Variants in ARFGEF1 observed in about 807,000 individuals in gnomAD.
ARFGEF1 encodes the protein ARF guanine nucleotide exchange factor 1.
In ARFGEF1, 42 loss-of-function variants were observed where a neutral mutation model predicts 231.0. That is an observed-to-expected ratio of 0.18 (90% CI 0.14 to 0.24). The LOEUF (loss-of-function observed/expected upper bound fraction) is 0.24. Among genes scored for constraint, ARFGEF1 ranks in the 10% least tolerant of loss-of-function variants. The pLI is 1.00. For synonymous variants in ARFGEF1, 710 were observed against 732.3 expected (o/e 0.97, Z 0.49); for missense variants, 1,345 against 2,192.0 (o/e 0.61, Z 7.72).
intron 1 of ARFGEF1, among the ~76,000 whole-genome samples, chr8:67,302,906 TAAAAAAAAA>T (rs139020447): frequency 1.4e-4 from 14 of 102,024 alleles, no homozygotes; most frequent in Non-Finnish European, 1.9e-4. Flanking sequence ...CCCCATCTCT[TAAAAAAAAA>T]AAAAAAAAAA....
At chr8:67,320,374 G>A (rs1265860082) in intron 1 of ARFGEF1, among the ~76,000 whole-genome samples, 1 of 152,006 alleles carries the variant, frequency 6.6e-6, no homozygotes, top group Non-Finnish European at 1.5e-5. Flanking sequence ...GTAAGGATAT[G>A]GAGCAACAAG....
chr8:67,335,718 G>A (rs963988049), intron 1 of ARFGEF1, among the ~76,000 whole-genome samples: 1 of 151,920 alleles, frequency 6.6e-6, no homozygotes, highest in Non-Finnish European at 1.5e-5. Flanking sequence ...CTAAAGACAC[G>A]CCAGTGGTAA....
chr8:67,205,199 G>A (rs984846309), intron 34 of ARFGEF1, among the ~76,000 whole-genome samples: 4 of 151,946 alleles, frequency 2.6e-5, no homozygotes, highest in African/African-American at 7.3e-5. Context: ...ATTGTAAGTC[G>A]CCCAGCATTG....
At chr8:67,265,003 T>C (rs1295914320) in intron 14 of ARFGEF1, among the ~76,000 whole-genome samples, 1 of 152,196 alleles carries the variant, frequency 6.6e-6, no homozygotes, top group Non-Finnish European at 1.5e-5. Context: ...AATATGCATA[T>C]TTGTTTACAC....
intron 9 of ARFGEF1, among the ~76,000 whole-genome samples, chr8:67,274,977 A>G (rs1284240367): frequency 2.0e-5 from 3 of 152,120 alleles, no homozygotes; most frequent in Non-Finnish European, 4.4e-5. Flanking sequence ...GGACTAAAGG[A>G]TGTTTCTCCC....
intron 5 of ARFGEF1, chr8:67,177,741 A>T: frequency 3.1e-6 from 5 of 1,600,288 alleles, no homozygotes; most frequent in Non-Finnish European, 4.3e-6. Context: ...GCAACCAGTT[A>T]CAATTTTTCA....
downstream of ARFGEF1, chr8:67,175,244 C>T (rs1317109076): frequency 8.6e-6 from 12 of 1,397,224 alleles, no homozygotes; most frequent in African/African-American, 1.4e-5. Flanking sequence ...TTTACAAAAT[C>T]CCATTTGAAA....
downstream of ARFGEF1, chr8:67,174,981 C>T: frequency 6.7e-6 from 2 of 298,516 alleles, no homozygotes; most frequent in Non-Finnish European, 1.3e-5. Flanking sequence ...GATATACCTG[C>T]ACGTAGTCTG....
At chr8:67,195,780 TAATAG>T, downstream of ARFGEF1, 2 of 579,670 alleles carry the variant, frequency 3.5e-6, no homozygotes, top group South Asian at 2.2e-5. Flanking sequence ...TTGATTTATA[TAATAG>T]AATTGTATAG....
At chr8:67,217,285 C>T (rs1417990832) in intron 32 of ARFGEF1, among the ~76,000 whole-genome samples, 2 of 141,998 alleles carry the variant, frequency 1.4e-5, no homozygotes, top group Non-Finnish European at 3.0e-5. Context: ...GCCTGGTAAA[C>T]ATGAACGAAA....
At chr8:67,254,094 C>T (rs1840379851) in intron 17 of ARFGEF1, among the ~76,000 whole-genome samples, 1 of 152,198 alleles carries the variant, frequency 6.6e-6, no homozygotes, top group Non-Finnish European at 1.5e-5. Context: ...TTAACAATCT[C>T]TCTGACTGAG....
In ARFGEF1 at chr8:67,227,613, G is replaced by C. The variant is rs568252653; in HGVS notation, c.3592-15C>G. 6.2e-7 allele frequency: 1 copy of C among 1,604,500 alleles called. No individual in the cohort carries two copies. Among genetic ancestry groups the C allele is most frequent in the East Asian group, 2.2e-5 (1 of 44,740 alleles). On this transcript the variant is annotated splice_polypyrimidine_tract_variant and intron_variant, in intron 25 of 38. Coordinates refer to ENST00000262215, the MANE Select transcript of ARFGEF1 (RefSeq NM_006421.5). ...TTACACCCAACCTGTAATGGCGACA[G>C]AAATAAACGATGCTAATTAATATCA...
chr8:67,310,330 C>T (rs1288717223), intron 1 of ARFGEF1, among the ~76,000 whole-genome samples: 1 of 152,206 alleles, frequency 6.6e-6, no homozygotes, highest in Admixed American at 6.5e-5. Context: ...AGCCCTTAAC[C>T]GCGAGTGATC....
At chr8:67,343,093 A>ACCCCCCCACCAGCGCCCCCCCCCCCC in intron 1 of ARFGEF1, 71 bp downstream of exon 1, 1 of 184,674 alleles carries the variant, frequency 5.4e-6, no homozygotes, top group Non-Finnish European at 1.0e-5. Flanking sequence ...GGGCGACCCC[A>ACCCCCCCACCAGCGCCCCCCCCCCCC]CCCCCCCACA....
chr8:67,323,386 T>G (rs1360986389), intron 1 of ARFGEF1, among the ~76,000 whole-genome samples: 1 of 152,194 alleles, frequency 6.6e-6, no homozygotes, highest in Non-Finnish European at 1.5e-5. Context: ...CTTAACCTGA[T>G]AACTTAAAAG....
intron 5 of ARFGEF1, among the ~76,000 whole-genome samples, chr8:67,294,048 C>T (rs1335456912): frequency 2.6e-5 from 4 of 152,032 alleles, no homozygotes; most frequent in Non-Finnish European, 5.9e-5. Context: ...TGTGTCTGTA[C>T]TGAACAAACA....
intron 5 of ARFGEF1, among the ~76,000 whole-genome samples, chr8:67,185,957 G>T (rs1270130881): frequency 2.0e-5 from 3 of 152,126 alleles, no homozygotes; most frequent in Non-Finnish European, 4.4e-5. Flanking sequence ...TAGGTCCTTT[G>T]CACTTAAAGC....
intron 1 of ARFGEF1, among the ~76,000 whole-genome samples, chr8:67,339,611 G>A (rs1808506988): frequency 6.6e-6 from 1 of 151,786 alleles, no homozygotes; most frequent in Non-Finnish European, 1.5e-5. Context: ...TCTGCCAGCA[G>A]ATGGCCAGAC....
intron 1 of ARFGEF1, 77 bp downstream of exon 1, chr8:67,343,087 G>GT: frequency 6.2e-6 from 6 of 971,350 alleles, no homozygotes; most frequent in Non-Finnish European, 7.4e-6. Flanking sequence ...AGCCCCGGGC[G>GT]ACCCCACCCC....
Sources: allele counts gnomAD v4.1 joint callset (sites outside exome capture counted in the v4.1 genomes callset), GRCh38; gene constraint gnomAD v4.1.1; transcripts MANE v1.5; gene names NCBI Gene and HGNC (gene_info 2026-07-23, HGNC 2026-07-21).